The following CAMSAP2 variants were observed in gnomAD, a reference collection of about 807,000 sequenced individuals.
The protein encoded by CAMSAP2 is calmodulin-regulated spectrin-associated protein 2.
In CAMSAP2, 26 loss-of-function variants were observed where a neutral mutation model predicts 146.1. The ratio of observed to expected loss-of-function variants is 0.18; its 90% CI spans 0.13 to 0.25. CAMSAP2 has a LOEUF of 0.25. Among genes scored for constraint, CAMSAP2 ranks in the 10% least tolerant of loss-of-function variants. The pLI, the probability that CAMSAP2 is intolerant of heterozygous loss-of-function variation, is 1.00. For synonymous variants in CAMSAP2, 499 were observed against 596.6 expected, an observed-to-expected ratio of 0.84 and a Z score of 2.38; for missense variants, 1,381 against 1,759.3, an observed-to-expected ratio of 0.78 and a Z score of 3.85.
In CAMSAP2 at chr1:200,859,469, G is replaced by A. The variant is rs1667829448; in HGVS notation, c.*1410G>A. 1 of 152,524 alleles carries A rather than the reference G, an allele frequency of 6.6e-6. No homozygotes were observed. The highest frequency in any genetic ancestry group is 1.5e-5 in the Non-Finnish European group (1 of 67,880). 9.4% of individuals were successfully genotyped at this position (152,524 alleles called of 1,614,324 possible). On this transcript the variant is annotated 3_prime_UTR_variant, in exon 17 of 17. Coordinates refer to ENST00000358823, the MANE Select transcript of CAMSAP2 (RefSeq NM_203459.4). Reference sequence around the variant, plus strand: ...AATAGGAATGAGATGTCCCTGAGCTGTACTTTTCTATTATTATAAGGCCTT... The same window carrying A: ...AATAGGAATGAGATGTCCCTGAGCTATACTTTTCTATTATTATAAGGCCTT...
chr1:200,746,806 G>A (rs1421057854), intron 1 of CAMSAP2, among the ~76,000 whole-genome samples: 1 of 151,914 alleles, frequency 6.6e-6, no homozygotes, highest in Non-Finnish European at 1.5e-5. Flanking sequence ...TTTTAGTAGA[G>A]ACGGGGTTTC....
intron 4 of CAMSAP2, among the ~76,000 whole-genome samples, chr1:200,821,437 C>T (rs1666761348): frequency 6.6e-6 from 1 of 152,228 alleles, no homozygotes; most frequent in African/African-American, 2.4e-5. Flanking sequence ...CCTGCCTTGA[C>T]CTCCAAAGTG....
intron 1 of CAMSAP2, among the ~76,000 whole-genome samples, chr1:200,752,094 A>AT (rs1200611117): frequency 1.3e-5 from 2 of 152,138 alleles, no homozygotes; most frequent in African/African-American, 4.8e-5. Flanking sequence ...ATCCAAATGT[A>AT]TTTTTTTAAT....
At chr1:200,802,345 A>C (rs1251300559) in intron 2 of CAMSAP2, among the ~76,000 whole-genome samples, 3 of 152,214 alleles carry the variant, frequency 2.0e-5, no homozygotes, top group African/African-American at 7.2e-5. Flanking sequence ...ACTCATCCTG[A>C]GATTTCCTCA....
intron 2 of CAMSAP2, among the ~76,000 whole-genome samples, chr1:200,766,661 G>A (rs191256640): frequency 3.5e-4 from 53 of 149,434 alleles, no homozygotes; most frequent in Admixed American, 2.7e-3. Flanking sequence ...ATTCTTTTTC[G>A]GTTTTTTTTC....
At chr1:200,754,463 C>T (rs1664590966) in intron 1 of CAMSAP2, among the ~76,000 whole-genome samples, 3 of 152,012 alleles carry the variant, frequency 2.0e-5, no homozygotes, top group African/African-American at 7.2e-5. Context: ...TAAACTGTTA[C>T]CCACCATTTT....
chr1:200,820,066 T>A (rs1666708915), intron 4 of CAMSAP2, among the ~76,000 whole-genome samples: 1 of 151,990 alleles, frequency 6.6e-6, no homozygotes. Flanking sequence ...CAAAAAATTT[T>A]TTTTTTTTTT....
chr1:200,821,373 G>T (rs1322234641), intron 4 of CAMSAP2, among the ~76,000 whole-genome samples: 1 of 152,040 alleles, frequency 6.6e-6, no homozygotes, highest in Non-Finnish European at 1.5e-5. Context: ...TGTAGAGTCA[G>T]GGTCTCACCA....
intron 2 of CAMSAP2, among the ~76,000 whole-genome samples, chr1:200,805,110 T>C (rs1310988128): frequency 6.6e-6 from 1 of 152,236 alleles, no homozygotes. Flanking sequence ...AATATACTAA[T>C]AAAGTATTTA....
intron 7 of CAMSAP2, among the ~76,000 whole-genome samples, chr1:200,842,351 G>A (rs1264606518): frequency 2.0e-5 from 3 of 151,978 alleles, no homozygotes; most frequent in East Asian, 1.9e-4. Context: ...ATCTTTTATC[G>A]TTATCCCAGC....
At chr1:200,829,707 C>A (rs1172749445) in intron 4 of CAMSAP2, among the ~76,000 whole-genome samples, 1 of 152,086 alleles carries the variant, frequency 6.6e-6, no homozygotes, top group African/African-American at 2.4e-5. Context: ...CAGGTGGATC[C>A]TTTGATCCCA....
chr1:200,796,795 A>G (rs1303479636), intron 2 of CAMSAP2, among the ~76,000 whole-genome samples: 10 of 151,756 alleles, frequency 6.6e-5, no homozygotes, highest in African/African-American at 1.9e-4. Flanking sequence ...AGCATTAGGT[A>G]TATCTCCCAA....
intron 2 of CAMSAP2, among the ~76,000 whole-genome samples, chr1:200,798,515 T>G (rs1665947569): frequency 7.3e-6 from 1 of 137,306 alleles, no homozygotes; most frequent in Non-Finnish European, 1.5e-5. Flanking sequence ...GTACATTGAT[T>G]TTGTATCCTG....
At chr1:200,766,275 C>G (rs1664948598) in intron 2 of CAMSAP2, among the ~76,000 whole-genome samples, 2 of 151,850 alleles carry the variant, frequency 1.3e-5, no homozygotes, top group African/African-American at 4.8e-5. Flanking sequence ...TCCTGGGTAG[C>G]TGGGTCTGCA....
At position 200,821,629 on chromosome 1, in the gene CAMSAP2, G is replaced by A. The variant is rs186632519; in HGVS notation, c.645+5985G>A. Among the ~76,000 whole-genome samples, 1,421 of 152,284 alleles carry A rather than the reference G, an allele frequency of 9.3e-3. 41 individuals carry two copies. Among genetic ancestry groups the A allele is most frequent in the Admixed American group, 0.054 (821 of 15,294 alleles). Reference sequence around the variant, plus strand: ...ACCCGCCTCGGCCTCCCAGAGTGCTGGGATTACAGGCGTAAGCCACCACAC... The same window carrying A: ...ACCCGCCTCGGCCTCCCAGAGTGCTAGGATTACAGGCGTAAGCCACCACAC... On this transcript the variant is annotated intron_variant, in intron 4 of 16. Coordinates refer to ENST00000358823, the MANE Select transcript of CAMSAP2 (RefSeq NM_203459.4).
chr1:200,825,086 A>C (rs189763142), intron 4 of CAMSAP2, among the ~76,000 whole-genome samples: 27 of 152,088 alleles, frequency 1.8e-4, no homozygotes, highest in African/African-American at 6.5e-4. Context: ...CAGTGTTCTT[A>C]AGTTGTTTCC....
intron 2 of CAMSAP2, among the ~76,000 whole-genome samples, chr1:200,804,456 C>T (rs1039104847): frequency 3.9e-5 from 6 of 151,972 alleles, no homozygotes; most frequent in African/African-American, 7.3e-5. Flanking sequence ...ATTTATACAG[C>T]GTTTTTATCC....
chr1:200,810,074 G>A (rs1666289079), intron 3 of CAMSAP2, among the ~76,000 whole-genome samples: 1 of 152,308 alleles, frequency 6.6e-6, no homozygotes, highest in East Asian at 1.9e-4. Context: ...GTTTCAACAT[G>A]AATTTCAGAG....
rs1667564245 is a variant in CAMSAP2, at chr1:200,849,683, G to A, written c.2914G>A (p.Val972Ile). Residue 972 changes from valine (V) to isoleucine (I), a missense_variant, in exon 11 of 17, where the codon GTT (valine) becomes ATT (isoleucine). Transcript: ENST00000358823. The surrounding 1 kb of genome is among the most constrained non-coding windows in gnomAD (Gnocchi z 6.3). Reference protein sequence around the residue: ...SSNRKSASFSVKSQRTPRPNE... With the variant: ...SSNRKSASFSIKSQRTPRPNE... ...TAACAGGAAAAGTGCATCTTTTTCT[G>A]TTAAAAGTCAAAGGACTCCTAGGCC... is the stretch of plus-strand genomic sequence containing the variant. 4.3e-6 allele frequency: 7 copies of A among 1,614,138 alleles called. No individual in the cohort carries two copies. Among genetic ancestry groups the A allele is most frequent in the South Asian group, 1.1e-5 (1 of 91,076 alleles).
Sources: allele counts gnomAD v4.1 joint callset (sites outside exome capture counted in the v4.1 genomes callset), GRCh38; gene constraint gnomAD v4.1.1; non-coding constraint Gnocchi (gnomAD v3.1); transcripts MANE v1.5; gene names NCBI Gene and HGNC (gene_info 2026-07-23, HGNC 2026-07-21).